Variants in DGKB observed in about 807,000 individuals in gnomAD.
The protein encoded by DGKB is 90 kDa diacylglycerol kinase.
In DGKB, 67 loss-of-function variants were observed where a neutral mutation model predicts 114.3. The ratio of observed to expected loss-of-function variants is 0.59; its 90% CI spans 0.48 to 0.72. The LOEUF is 0.72. Among genes scored for constraint, DGKB ranks in the 30% least tolerant of loss-of-function variants. The pLI is 0.00. For synonymous variants in DGKB, 398 were observed against 323.1 expected (o/e 1.23, Z -2.49); for missense variants, 907 against 975.2 (o/e 0.93, Z 0.93).
At chr7:14,968,819 G>A in intron 1 of DGKB, among the ~76,000 whole-genome samples, 1 of 152,094 alleles carries the variant, frequency 6.6e-6, no homozygotes, top group Non-Finnish European at 1.5e-5. Flanking sequence ...TAAATCACAG[G>A]TAATTTAATG....
intron 20 of DGKB, among the ~76,000 whole-genome samples, chr7:14,543,840 C>G (rs1312149462): frequency 6.6e-6 from 1 of 152,110 alleles, no homozygotes; most frequent in Non-Finnish European, 1.5e-5. Flanking sequence ...TTCCAGACAC[C>G]TGCATACACC....
intron 12 of DGKB, among the ~76,000 whole-genome samples, chr7:14,681,394 G>C (rs1247499640): frequency 6.6e-6 from 1 of 151,728 alleles, no homozygotes; most frequent in African/African-American, 2.4e-5. Flanking sequence ...TAAGTCAGTT[G>C]TTTTTCTCAT....
At chr7:14,895,038 G>C (rs1587273927) in intron 1 of DGKB, among the ~76,000 whole-genome samples, 1 of 151,638 alleles carries the variant, frequency 6.6e-6, no homozygotes, top group Middle Eastern at 3.4e-3. Context: ...TTTTTGTGCT[G>C]TTTTTCTATG....
At chr7:14,333,139 C>T (rs150958835) in intron 23 of DGKB, among the ~76,000 whole-genome samples, 167 of 152,162 alleles carry the variant, frequency 1.1e-3, no homozygotes, top group African/African-American at 3.9e-3. Flanking sequence ...TTTAGAAGTT[C>T]TAATTGCTAA....
chr7:14,767,392 T>C (rs903275317), intron 2 of DGKB, among the ~76,000 whole-genome samples: 1 of 151,766 alleles, frequency 6.6e-6, no homozygotes, highest in African/African-American at 2.4e-5. Flanking sequence ...ATCATTACTA[T>C]TGGTAAGTGG....
intron 20 of DGKB, among the ~76,000 whole-genome samples, chr7:14,504,616 A>G (rs554648206): frequency 6.6e-6 from 1 of 152,308 alleles, no homozygotes; most frequent in African/African-American, 2.4e-5. Flanking sequence ...TAATTTTCAA[A>G]GTGAATGAAT....
At chr7:14,656,718 T>C (rs954779821) in intron 13 of DGKB, among the ~76,000 whole-genome samples, 1 of 147,768 alleles carries the variant, frequency 6.8e-6, no homozygotes, top group African/African-American at 2.5e-5. Context: ...CAGTTATACA[T>C]ATAGGATATA....
At chr7:14,777,905 G>A (rs1183176770) in intron 2 of DGKB, among the ~76,000 whole-genome samples, 1 of 152,116 alleles carries the variant, frequency 6.6e-6, no homozygotes, top group Non-Finnish European at 1.5e-5. Flanking sequence ...TGTCATAGCA[G>A]TGTATTAGAG....
At chr7:14,363,260 G>A (rs1027386215) in intron 21 of DGKB, among the ~76,000 whole-genome samples, 16 of 152,200 alleles carry the variant, frequency 1.1e-4, no homozygotes, top group Middle Eastern at 3.4e-3. Flanking sequence ...ACACATAAAC[G>A]TATATACCAG....
chr7:14,433,418 T>G (rs1350719764), intron 21 of DGKB, among the ~76,000 whole-genome samples: 1 of 152,100 alleles, frequency 6.6e-6, no homozygotes, highest in East Asian at 1.9e-4. Flanking sequence ...CAGAGAGATC[T>G]GGGTTTGAAT....
intron 23 of DGKB, among the ~76,000 whole-genome samples, chr7:14,332,088 T>G (rs1250429709): frequency 6.6e-6 from 1 of 151,772 alleles, no homozygotes; most frequent in Non-Finnish European, 1.5e-5. Context: ...TTATCTGAGT[T>G]TGTTTGTTTG....
intron 23 of DGKB, among the ~76,000 whole-genome samples, chr7:14,297,610 C>A (rs1172478867): frequency 6.6e-6 from 1 of 152,066 alleles, no homozygotes; most frequent in South Asian, 2.1e-4. Context: ...ACTGAATGGG[C>A]AAAATCTGGA....
At chr7:14,608,840 T>C (rs1367439254) in intron 16 of DGKB, among the ~76,000 whole-genome samples, 1 of 151,910 alleles carries the variant, frequency 6.6e-6, no homozygotes, top group Non-Finnish European at 1.5e-5. Flanking sequence ...AAAAATGAAA[T>C]ACCTCGGAAT....
At chr7:14,242,397 A>G (rs1379117950) in intron 23 of DGKB, among the ~76,000 whole-genome samples, 1 of 152,132 alleles carries the variant, frequency 6.6e-6, no homozygotes, top group African/African-American at 2.4e-5. Context: ...TTCTGCCTCT[A>G]CTTTGGCTTA....
At chr7:14,520,228 C>A (rs1179651292) in intron 20 of DGKB, among the ~76,000 whole-genome samples, 42 of 51,186 alleles carry the variant, frequency 8.2e-4, no homozygotes, top group Non-Finnish European at 1.7e-3. Context: ...TTTTTTTTTG[C>A]AGGAGGCAGC....
At chr7:14,742,025 G>A (rs970383446) in intron 4 of DGKB, among the ~76,000 whole-genome samples, 3 of 152,070 alleles carry the variant, frequency 2.0e-5, no homozygotes, top group African/African-American at 7.2e-5. Context: ...CACTCTTAAT[G>A]AACTCATGAG....
At chr7:14,237,890 A>T (rs1234213503) in intron 23 of DGKB, among the ~76,000 whole-genome samples, 2 of 152,080 alleles carry the variant, frequency 1.3e-5, no homozygotes, top group Non-Finnish European at 2.9e-5. Context: ...AAACACAAAA[A>T]GTAATCAATA....
At chr7:14,511,508 T>C (rs1787975261) in intron 20 of DGKB, among the ~76,000 whole-genome samples, 1 of 152,204 alleles carries the variant, frequency 6.6e-6, no homozygotes, top group South Asian at 2.1e-4. Flanking sequence ...TAAGGAAATG[T>C]AGCTAGTTTG....
At chr7:14,172,950 A>T (rs1781227250) in intron 25 of DGKB, among the ~76,000 whole-genome samples, 2 of 152,136 alleles carry the variant, frequency 1.3e-5, no homozygotes, top group African/African-American at 4.8e-5. Flanking sequence ...ATGGGGGAGG[A>T]AGAAGAAAGA....
Sources: gnomAD v4.1 joint callset for allele counts (sites outside exome capture counted in the v4.1 genomes callset) on GRCh38, gnomAD v4.1.1 for gene constraint, MANE v1.5 for transcripts, NCBI Gene and HGNC (gene_info 2026-07-23, HGNC 2026-07-21) for gene names.